The following DEGS2 variants were observed in gnomAD, a reference collection of about 807,000 sequenced individuals.
DEGS2 encodes the protein delta 4-desaturase, sphingolipid 2.
Under a neutral mutation model 23.8 loss-of-function variants are expected in DEGS2, and 19 were observed. That is an observed-to-expected ratio of 0.80 (90% CI 0.56 to 1.17). The LOEUF (loss-of-function observed/expected upper bound fraction) is 1.17, where lower values mean the gene tolerates loss of function less well. Ranked by LOEUF, DEGS2 falls within the 50% of genes most tolerant of loss-of-function variation. DEGS2 has a pLI of 0.00. For missense variants in DEGS2, 390 were observed against 459.5 expected (o/e 0.85, Z 1.38); for synonymous variants, 218 against 213.7 (o/e 1.02, Z -0.18).
chr14:100,148,655 C>T (rs1047473800), intron 2 of DEGS2, among the ~76,000 whole-genome samples: 4 of 152,176 alleles, frequency 2.6e-5, no homozygotes, highest in African/African-American at 7.2e-5. Flanking sequence ...TGGTGCTTCC[C>T]GTGCAGTGTT....
upstream of DEGS2, chr14:100,159,665 C>T (rs1311404613): frequency 1.2e-6 from 1 of 844,936 alleles, no homozygotes; most frequent in Admixed American, 3.8e-5. Flanking sequence ...GGCGCGGAAC[C>T]AGCTCTGATT....
intron 2 of DEGS2, 134 bp from the exon 3 acceptor site, chr14:100,147,041 AC>A: frequency 3.1e-6 from 3 of 983,412 alleles, no homozygotes; most frequent in African/African-American, 1.6e-5. Flanking sequence ...GCGCGCGCGC[AC>A]ACCCACACAC....
In DEGS2 at chr14:100,158,254, C is replaced by CA. The variant is rs565907159; in HGVS notation, c.82+1251dup. 1.6e-3 allele frequency among the ~76,000 whole-genome samples: 250 copies of CA among 151,918 alleles called. 1 individual carries two copies. The highest frequency in any genetic ancestry group is 1.9e-3 in the Non-Finnish European group (130 of 67,922). ...CAAGACCCTGTTTCTAGTAAAAATA[C>CA]AAAAAAAATAGCCGGGCATAGTGGT... On this transcript the variant is annotated intron_variant, in intron 1 of 2. Coordinates refer to ENST00000305631, the MANE Select transcript of DEGS2 (RefSeq NM_206918.3).
chr14:100,146,685 G>GA lies in DEGS2; in HGVS notation c.*75_*76insT. 6.4e-7 allele frequency: 1 copy of GA among 1,556,850 alleles called. No individual in the cohort carries two copies. The highest frequency in any genetic ancestry group is 1.2e-5 in the South Asian group (1 of 83,104). ...GCAGTCCAGAGCACAGGAAGGAAAT[G>GA]TAGCTTCTCAGTGCTGGGGTGCAAG... On this transcript the variant is annotated 3_prime_UTR_variant, in exon 3 of 3. Coordinates refer to ENST00000305631, the MANE Select transcript of DEGS2 (RefSeq NM_206918.3).
chr14:100,159,972 CCCCGGCCCGTTCTCTCCGCAGCCCCGA>C (rs1456886978), upstream of DEGS2: 1 of 159,234 alleles, frequency 6.3e-6, no homozygotes, highest in Non-Finnish European at 1.4e-5. Flanking sequence ...CGGGTTTTTA[CCCCGGCCCGTTCTCTCCGCAGCCCCGA>C]CCCGCTCGCG....
At chr14:100,147,678 C>T (rs1481312057) in intron 2 of DEGS2, among the ~76,000 whole-genome samples, 11 of 137,266 alleles carry the variant, frequency 8.0e-5, no homozygotes, top group Non-Finnish European at 1.6e-4. Context: ...CCCAGGATGC[C>T]TTTCCTGCCC....
chr14:100,155,762 G>C (rs1024380254), intron 1 of DEGS2: 1 of 152,078 alleles, frequency 6.6e-6, no homozygotes, highest in Non-Finnish European at 1.5e-5. Context: ...TTTCGCTTCC[G>C]GGATTTCCTC....
chr14:100,149,071 T>TCGTG lies in DEGS2; in HGVS notation c.718_721dup (p.Glu241AlafsTer64), dbSNP rs1311440020. The TCGTG allele has an allele frequency of 6.2e-7, 1 of 1,612,956 alleles. No homozygotes were observed. ...GAGAGGCCCATAGTAGGAGTAGGTC[T>TCGTG]CGTGGCCCTTGAGGAACATGTAGTG... On this transcript the variant is annotated frameshift_variant, in exon 2 of 3. Coordinates refer to ENST00000305631, the MANE Select transcript of DEGS2 (RefSeq NM_206918.3). LOFTEE classifies it high-confidence loss of function.
chr14:100,166,307 GT>G, the DEGS2 span, among the ~76,000 whole-genome samples: 3 of 59,788 alleles, frequency 5.0e-5, no homozygotes, highest in African/African-American at 1.8e-4. Context: ...GCCCGGGGCT[GT>G]GGGGGAGCCT....
intron 1 of DEGS2, among the ~76,000 whole-genome samples, chr14:100,151,482 A>G (rs181636455): frequency 5.4e-4 from 82 of 152,328 alleles, no homozygotes; most frequent in African/African-American, 1.9e-3. Flanking sequence ...ACCTGCCTGC[A>G]GGCACCTGCT....
the DEGS2 span, among the ~76,000 whole-genome samples, chr14:100,164,754 G>C: frequency 6.6e-6 from 1 of 152,200 alleles, no homozygotes; most frequent in African/African-American, 2.4e-5. Flanking sequence ...TTAAAATTTG[G>C]CTTAATCACT....
chr14:100,153,007 A>G (rs1889598984), intron 1 of DEGS2, among the ~76,000 whole-genome samples: 2 of 152,116 alleles, frequency 1.3e-5, no homozygotes, highest in Non-Finnish European at 2.9e-5. Flanking sequence ...TTGTAATCTC[A>G]GCACTTTGGG....
chr14:100,159,620 C>T lies in DEGS2; in HGVS notation c.-33G>A, dbSNP rs1428679702. Reference sequence around the variant, plus strand: ...CGGGAGGCGCCGTTCGGAGCGCGGCCGGCTCGGCTCTGCTGCACCTGTCGC... The same window carrying T: ...CGGGAGGCGCCGTTCGGAGCGCGGCTGGCTCGGCTCTGCTGCACCTGTCGC... On this transcript the variant is annotated 5_prime_UTR_variant, in exon 1 of 3. Transcript: ENST00000305631. The T allele has an allele frequency of 1.1e-5, 15 of 1,334,624 alleles. No homozygotes were observed. The highest frequency in any genetic ancestry group is 4.1e-4 in the Middle Eastern group (2 of 4,934). 82.7% of individuals were successfully genotyped at this position (1,334,624 alleles called of 1,614,324 possible).
chr14:100,149,465 C>A lies in DEGS2; in HGVS notation c.328G>T (p.Val110Leu), dbSNP rs140508686. Residue 110 changes from valine to leucine, a missense_variant, in exon 2 of 3, where the codon GTG becomes TTG. Transcript: ENST00000305631. ...ACACCCACGGGCAGGTTGGCGAACA[C>A]GGCCAGCCAGCGGTTGCGTGCCGCA... is the stretch of plus-strand genomic sequence containing the variant. The part of the protein sequence containing the change: ...GRAARNRWLA[V>L]FANLPVGVPY... 1 of 1,595,274 alleles carries A rather than the reference C, an allele frequency of 6.3e-7. No individual in the cohort carries two copies. The highest frequency in any genetic ancestry group is 2.3e-5 in the East Asian group (1 of 44,350).
At chr14:100,150,387 AC>A (rs778863717) in intron 1 of DEGS2, among the ~76,000 whole-genome samples, 3,985 of 92,222 alleles carry the variant, frequency 0.043, 37 homozygotes, top group Non-Finnish European at 0.049. Context: ...CCACCCCAAC[AC>A]CCCCCCCCGC....
intron 1 of DEGS2, among the ~76,000 whole-genome samples, chr14:100,155,949 C>T (rs1348271655): frequency 2.0e-5 from 3 of 152,114 alleles, no homozygotes; most frequent in Non-Finnish European, 4.4e-5. Flanking sequence ...TCGCTGGCTC[C>T]GGTCCTGCCC....
chr14:100,166,564 C>T, the DEGS2 span, among the ~76,000 whole-genome samples: 1 of 152,070 alleles, frequency 6.6e-6, no homozygotes, highest in African/African-American at 2.4e-5. Flanking sequence ...GCATGAAATG[C>T]TCCGGTGATG....
At chr14:100,166,824 T>G in the DEGS2 span, among the ~76,000 whole-genome samples, 1 of 152,240 alleles carries the variant, frequency 6.6e-6, no homozygotes, top group South Asian at 2.1e-4. Context: ...TAACAGGCTT[T>G]GCTTAAAAAA....
intron 1 of DEGS2, among the ~76,000 whole-genome samples, chr14:100,157,145 G>C (rs977526537): frequency 2.0e-5 from 3 of 152,192 alleles, no homozygotes; most frequent in Non-Finnish European, 4.4e-5. Context: ...CACCTTCCCA[G>C]CTGAGATATC....
Sources: allele counts gnomAD v4.1 joint callset (sites outside exome capture counted in the v4.1 genomes callset), GRCh38; gene constraint gnomAD v4.1.1; transcripts MANE v1.5; gene names NCBI Gene and HGNC (gene_info 2026-07-23, HGNC 2026-07-21).